Variants in MAGED1 observed in about 807,000 individuals in gnomAD.
MAGED1 encodes MAGE family member D1, also known as melanoma-associated antigen D1.
MAGED1 carries 3 observed loss-of-function variants against 54.1 expected under a neutral mutation model. The ratio of observed to expected loss-of-function variants is 0.06; its 90% CI spans 0.03 to 0.14. The LOEUF is 0.14. MAGED1 is among the 10% of genes least tolerant of loss of function. MAGED1 has a pLI of 1.00. For synonymous variants in MAGED1, 217 were observed against 227.3 expected (o/e 0.95, Z 0.41); for missense variants, 485 against 623.4 (o/e 0.78, Z 2.36).
chrX:51,896,133 G>A, intron 3 of MAGED1: 1 of 391,147 alleles, frequency 2.6e-6, no homozygotes, highest in Non-Finnish European at 4.4e-6. Context: ...GAGGTGAAGT[G>A]ACTTGAGTGA....
intron 1 of MAGED1, among the ~76,000 whole-genome samples, chrX:51,864,248 A>G (rs1183341824): frequency 9.1e-6 from 1 of 110,024 alleles, no homozygotes. Context: ...TTTTTCTGCA[A>G]TGGACATTCA....
At chrX:51,815,153 G>T (rs1218534091) in intron 1 of MAGED1, among the ~76,000 whole-genome samples, 5 of 108,250 alleles carry the variant, frequency 4.6e-5, no homozygotes, top group African/African-American at 1.7e-4. Flanking sequence ...AAAAAAAAAA[G>T]ATGAAAAACA....
chrX:51,895,639 A>G lies in MAGED1; in HGVS notation c.632A>G (p.Asp211Gly), dbSNP rs1557364138. Residue 211 changes from aspartate to glycine, a missense_variant, in exon 3 of 13, where the codon GAC becomes GGC. Physicochemically the swap from Asp to Gly is moderately conservative, Grantham distance 94 (BLOSUM62 -1). Coordinates refer to ENST00000326587, the MANE Select transcript of MAGED1 (RefSeq NM_006986.4). ...GCCAAAATGGCCACTTCCCAGGCTG[A>G]CATAGAGACCGACCCAGGTATCTCT... The part of the protein sequence containing the change: ...NQAKMATSQA[D>G]IETDPGISEP... 5.8e-6 allele frequency: 7 copies of G among 1,209,161 alleles called. No individual in the cohort carries two copies. The highest frequency in any genetic ancestry group is 5.2e-5 in the African/African-American group (3 of 57,294).
At chrX:51,895,002 C>A in intron 2 of MAGED1, 51 bp from the exon 3 acceptor site, 1 of 1,075,671 alleles carries the variant, frequency 9.3e-7, no homozygotes, top group Non-Finnish European at 1.2e-6. Context: ...CCCACCCCAC[C>A]TCCTGCCTCA....
chrX:51,854,886 C>T (rs782452276), intron 1 of MAGED1, among the ~76,000 whole-genome samples: 1 of 111,420 alleles, frequency 9.0e-6, no homozygotes, highest in Non-Finnish European at 1.9e-5. Flanking sequence ...GATCTCTTAC[C>T]GTCTACGTTC....
At position 51,895,095 on chromosome X, in the gene MAGED1, T is replaced by C; in HGVS notation, c.88T>C (p.Leu30=). ...AGACAGCGCCTTGCTTATGCAGACC[T>C]TGATGGAGGCCATCCAGATCTCAGA... ...VEDSALLMQT[L]MEAIQISEAP... is the part of the protein sequence containing the mutation. The change falls in exon 3 of 13, where the codon TTG becomes CTG. Residue 30 remains leucine (L), a synonymous_variant. Transcript: ENST00000326587. 8.3e-7 allele frequency: 1 copy of C among 1,211,890 alleles called. No individual in the cohort carries two copies. Among genetic ancestry groups the C allele is most frequent in the Non-Finnish European group, 1.1e-6 (1 of 895,533 alleles).
At chrX:51,863,614 T>C (rs1927359278) in intron 1 of MAGED1, among the ~76,000 whole-genome samples, 1 of 112,045 alleles carries the variant, frequency 8.9e-6, no homozygotes, top group African/African-American at 3.2e-5. Flanking sequence ...AAAGGTTCAC[T>C]TTTTGCCACT....
intron 1 of MAGED1, among the ~76,000 whole-genome samples, chrX:51,821,216 C>T (rs1433802857): frequency 1.8e-5 from 2 of 111,190 alleles, no homozygotes; most frequent in African/African-American, 3.3e-5. Flanking sequence ...ATCATGACAT[C>T]CACAAATAGA....
intron 1 of MAGED1, among the ~76,000 whole-genome samples, chrX:51,835,864 T>G (rs1202309079): frequency 2.7e-5 from 3 of 111,842 alleles, no homozygotes; most frequent in Non-Finnish European, 1.9e-5. Flanking sequence ...ACCTGTGTAT[T>G]AAGTTGCTTG....
intron 1 of MAGED1, among the ~76,000 whole-genome samples, chrX:51,852,853 T>C (rs187608639): frequency 8.9e-6 from 1 of 111,939 alleles, no homozygotes; most frequent in Non-Finnish European, 1.9e-5. Context: ...ATAAAAAACA[T>C]GTCTGGGTCC....
At position 51,828,054 on chromosome X, in the gene MAGED1, A is replaced by G. The variant is rs145080950; in HGVS notation, c.-37+24937A>G. Among the ~76,000 whole-genome samples, 509 of 112,137 alleles carry G rather than the reference A, an allele frequency of 4.5e-3. 5 individuals carry two copies. The highest frequency in any genetic ancestry group is 0.016 in the African/African-American group (488 of 30,980). On this transcript the variant is annotated intron_variant, in intron 1 of 12. Coordinates refer to the MAGED1 transcript ENST00000375772. ...TAGATTCAGTTTAGCTATGTCTACA[A>G]AATGCTTGCTAAAATTTTGATTGGA...
intron 1 of MAGED1, among the ~76,000 whole-genome samples, chrX:51,822,993 T>C (rs782532176): frequency 1.8e-5 from 2 of 112,192 alleles, no homozygotes; most frequent in East Asian, 5.6e-4. Context: ...GTTACTGATT[T>C]CTAATTTAAT....
At chrX:51,849,462 A>G (rs947944430) in intron 1 of MAGED1, among the ~76,000 whole-genome samples, 1 of 112,095 alleles carries the variant, frequency 8.9e-6, no homozygotes, top group Non-Finnish European at 1.9e-5. Context: ...GATTAGAGAC[A>G]GAACTGGCAT....
At chrX:51,864,736 C>CT (rs1190588559) in intron 1 of MAGED1, among the ~76,000 whole-genome samples, 2 of 111,135 alleles carry the variant, frequency 1.8e-5, no homozygotes, top group African/African-American at 6.5e-5. Flanking sequence ...GGATTATTTT[C>CT]TTAATTTCCC....
At chrX:51,880,676 AAGGCC>A (rs1244954609) in intron 1 of MAGED1, among the ~76,000 whole-genome samples, 2 of 111,351 alleles carry the variant, frequency 1.8e-5, no homozygotes, top group Non-Finnish European at 3.8e-5. Flanking sequence ...GTCTTATCTC[AAGGCC>A]AGAGTGAGAT....
chrX:51,894,538 C>A, intron 2 of MAGED1, 189 bp downstream of exon 2: 1 of 909,840 alleles, frequency 1.1e-6, no homozygotes, highest in East Asian at 3.3e-5. Flanking sequence ...TCAGTCCCTG[C>A]TCAGAGAGAG....
rs1557364496 is a variant in MAGED1, at chrX:51,897,836, C to T, written c.1608C>T (p.His536=). Residue 536 remains histidine, a synonymous_variant, in exon 7 of 13, where the codon CAC becomes CAT. Transcript: ENST00000326587. ...IQLKEIDKEE[H]LYILISTPES... ...TGAAAGAAATTGACAAAGAAGAACA[C>T]CTGTATATTCTCATCAGTACCCCCG... The T allele has an allele frequency of 5.0e-6, 6 of 1,207,116 alleles. No individual in the cohort carries two copies. In the South Asian group the frequency reaches 7.1e-5, roughly 14 times the overall value.
chrX:51,845,561 A>C (rs1215091369), intron 1 of MAGED1, among the ~76,000 whole-genome samples: 1 of 111,293 alleles, frequency 9.0e-6, no homozygotes, highest in South Asian at 3.8e-4. Flanking sequence ...TTTGCAGTTT[A>C]ACAGGTCCAC....
Position 51,896,545 on chromosome X carries a change from A to G in MAGED1, c.890A>G (p.Gln297Arg). 1 of 1,211,998 alleles carries G rather than the reference A, an allele frequency of 8.3e-7. No homozygotes were observed. The highest frequency in any genetic ancestry group is 1.1e-6 in the Non-Finnish European group (1 of 895,557). The change falls in exon 4 of 13, where the codon CAG becomes CGG. Residue 297 changes from glutamine (Q) to arginine (R), a missense_variant. By Grantham distance (43) the Gln-to-Arg change is conservative (BLOSUM62 1). This residue lies in a region of MAGED1 where 299 missense variants were observed against 293.1 expected (regional missense o/e 1.02). Transcript: ENST00000326587. ...GGCGCACCCCCCAATGTGCTCTGGC[A>G]GACGCCATTGGCTTGGCAGAACCCC... Reference protein sequence around the residue: ...PPGAPPNVLWQTPLAWQNPSG... With the variant: ...PPGAPPNVLWRTPLAWQNPSG...
Sources: gnomAD v4.1 joint callset for allele counts (sites outside exome capture counted in the v4.1 genomes callset) on GRCh38, gnomAD v4.1.1 for gene constraint, gnomAD v4.1.1 regional missense constraint, MANE v1.5 for transcripts, NCBI Gene and HGNC (gene_info 2026-07-23, HGNC 2026-07-21) for gene names.